TMEM170B: variants seen among roughly 807,000 people sequenced by gnomAD.
TMEM170B encodes transmembrane protein 170B.
In TMEM170B, 6 loss-of-function variants were observed where a neutral mutation model predicts 13.0. The ratio of observed to expected loss-of-function variants is 0.46; its 90% CI spans 0.25 to 0.91. The LOEUF (loss-of-function observed/expected upper bound fraction) is 0.91. Among genes scored for constraint, TMEM170B ranks in the 40% least tolerant of loss-of-function variants. The pLI, the probability that TMEM170B is intolerant of heterozygous loss-of-function variation, is 0.17. For missense variants in TMEM170B, 138 were observed against 165.2 expected, an observed-to-expected ratio of 0.84 and a Z score of 0.90; for synonymous variants, 61 against 64.9, an observed-to-expected ratio of 0.94 and a Z score of 0.29.
intron 1 of TMEM170B, among the ~76,000 whole-genome samples, chr6:11,540,761 C>A (rs1759348955): frequency 1.3e-5 from 2 of 152,160 alleles, no homozygotes; most frequent in Non-Finnish European, 2.9e-5. Flanking sequence ...TCAGAGGAAT[C>A]ACTATCTCTG....
At position 11,566,638 on chromosome 6, in the gene TMEM170B, G is replaced by A. The variant is rs539744300; in HGVS notation, c.268+802G>A. Among the ~76,000 whole-genome samples, 3 of 152,320 alleles carry A rather than the reference G, an allele frequency of 2.0e-5. No individual in the cohort carries two copies. The South Asian group carries it at 6.2e-4, about 32-fold the overall frequency. ...GTGGAATTTAAAAGCTTTAGAGCAG[G>A]AAAGAAAGGAAAGTACACTTGGAAG... On this transcript the variant is annotated intron_variant, in intron 2 of 2. Coordinates refer to ENST00000379426, the MANE Select transcript of TMEM170B (RefSeq NM_001100829.3).
intron 1 of TMEM170B, among the ~76,000 whole-genome samples, chr6:11,546,296 A>G (rs1306353199): frequency 6.6e-6 from 1 of 152,096 alleles, no homozygotes; most frequent in Non-Finnish European, 1.5e-5. Flanking sequence ...AAGAATATAA[A>G]GTATTTTTCA....
chr6:11,575,675 C>T lies in TMEM170B; in HGVS notation c.*114C>T, dbSNP rs1468141854. The T allele has an allele frequency of 7.5e-7, 1 of 1,336,554 alleles. No individual in the cohort carries two copies. Among genetic ancestry groups the T allele is most frequent in the Non-Finnish European group, 1.0e-6 (1 of 957,016 alleles). 82.8% of individuals were successfully genotyped at this position (1,336,554 alleles called of 1,614,324 possible). On this transcript the variant is annotated 3_prime_UTR_variant, in exon 3 of 3. Coordinates refer to ENST00000379426, the MANE Select transcript of TMEM170B (RefSeq NM_001100829.3). This position sits in a 1 kb window ranked among gnomAD's most constrained non-coding sequence, Gnocchi z 4.1. ...GTGCAAGAATGTGGACTGAGCAGGT[C>T]AAAGCATAAGGAAGACCTTGAGCTG...
At chr6:11,538,401 G>C (rs1166823019) in intron 1 of TMEM170B, 27 bp downstream of exon 1, 2 of 1,464,582 alleles carry the variant, frequency 1.4e-6, no homozygotes, top group Non-Finnish European at 1.8e-6. Context: ...GGCTGGGGAC[G>C]GGGATGCGGT....
Position 11,583,306 on chromosome 6 carries a change from C to G in TMEM170B, c.*7745C>G, listed in dbSNP as rs1051108439. The stretch of plus-strand genomic sequence containing the variant: ...TATCATTCAGTGTCTAATCACAGGA[C>G]CATTTCTGAGGTCCACATGTGGCTC... On this transcript the variant is annotated 3_prime_UTR_variant, in exon 3 of 3. Coordinates refer to ENST00000379426, the MANE Select transcript of TMEM170B (RefSeq NM_001100829.3). 6.6e-6 allele frequency: 1 copy of G among 152,166 alleles called. No individual in the cohort carries two copies. Among genetic ancestry groups the G allele is most frequent in the Admixed American group, 6.5e-5 (1 of 15,274 alleles). 9.4% of individuals were successfully genotyped at this position (152,166 alleles called of 1,614,324 possible).
At chr6:11,573,819 T>C (rs1050496082) in intron 2 of TMEM170B, among the ~76,000 whole-genome samples, 2 of 152,186 alleles carry the variant, frequency 1.3e-5, no homozygotes, top group African/African-American at 4.8e-5. Context: ...AGAGTATTAC[T>C]CTAGTTTATT....
chr6:11,552,439 G>A (rs911094760), intron 1 of TMEM170B, among the ~76,000 whole-genome samples: 1 of 152,050 alleles, frequency 6.6e-6, no homozygotes, highest in African/African-American at 2.4e-5. Context: ...CCTGAGTGTC[G>A]TCATCCAAAA....
At chr6:11,573,492 C>T (rs1759831911) in intron 2 of TMEM170B, among the ~76,000 whole-genome samples, 1 of 152,110 alleles carries the variant, frequency 6.6e-6, no homozygotes. Flanking sequence ...ATCTTCGTGC[C>T]CACCTATTTT....
intron 1 of TMEM170B, among the ~76,000 whole-genome samples, chr6:11,555,018 C>T (rs193014278): frequency 3.3e-5 from 5 of 152,270 alleles, no homozygotes; most frequent in Admixed American, 3.3e-4. Flanking sequence ...CATCTGGTAT[C>T]ATAATCCTGT....
rs1759725203 is a variant in TMEM170B at position 11,565,834 on chromosome 6, C to T, written c.266C>T (p.Thr89Ile). 6.2e-7 allele frequency: 1 copy of T among 1,614,046 alleles called. No individual in the cohort carries two copies. Among genetic ancestry groups the T allele is most frequent in the Admixed American group, 1.7e-5 (1 of 60,024 alleles). The change falls in exon 2 of 3, where the codon ACC (threonine) becomes ATC (isoleucine). Residue 89 changes from threonine to isoleucine, a missense_variant and splice_region_variant. By Grantham distance (89) the Thr-to-Ile change is moderately conservative (BLOSUM62 -1). Coordinates refer to ENST00000379426, the MANE Select transcript of TMEM170B (RefSeq NM_001100829.3). Reference protein sequence around the residue: ...FLASVTGAMITSAAVAGIYRV... With the variant: ...FLASVTGAMIISAAVAGIYRV... The stretch of plus-strand genomic sequence containing the variant: ...GCTTCTGTAACTGGAGCGATGATTA[C>T]CAGTAAGTTGATTTTCTTTTGTCTG...
intron 1 of TMEM170B, among the ~76,000 whole-genome samples, chr6:11,545,037 GAGA>G (rs971056272): frequency 1.3e-5 from 2 of 151,778 alleles, no homozygotes; most frequent in African/African-American, 4.8e-5. Context: ...TAAGAGTTTA[GAGA>G]AGAATTTTTA....
At chr6:11,545,280 CTGTGTGTGTGTGTG>C (rs1210551633) in intron 1 of TMEM170B, among the ~76,000 whole-genome samples, 4 of 139,736 alleles carry the variant, frequency 2.9e-5, no homozygotes, top group Non-Finnish European at 4.6e-5. Flanking sequence ...CTCTCTCTCT[CTGTGTGTGTGTGTG>C]TGTGTGTGTG....
intron 2 of TMEM170B, among the ~76,000 whole-genome samples, chr6:11,566,555 T>C (rs1254989230): frequency 6.6e-6 from 1 of 152,140 alleles, no homozygotes; most frequent in Non-Finnish European, 1.5e-5. Flanking sequence ...TCAGAAGAAA[T>C]AATTCGACTG....
chr6:11,562,878 G>A (rs1164415300), intron 1 of TMEM170B, among the ~76,000 whole-genome samples: 2 of 152,086 alleles, frequency 1.3e-5, no homozygotes, highest in Non-Finnish European at 2.9e-5. Flanking sequence ...GATCACTCAT[G>A]TTGCTTTTTA....
intron 2 of TMEM170B, among the ~76,000 whole-genome samples, chr6:11,571,692 C>T (rs1056291104): frequency 6.6e-6 from 1 of 152,120 alleles, no homozygotes; most frequent in Non-Finnish European, 1.5e-5. Context: ...ACTCTTTCAA[C>T]TAGCTGTTGT....
intron 1 of TMEM170B, among the ~76,000 whole-genome samples, chr6:11,539,720 G>A (rs1267588123): frequency 6.6e-6 from 1 of 152,174 alleles, no homozygotes; most frequent in Non-Finnish European, 1.5e-5. Flanking sequence ...ACCATCTCAT[G>A]ATTCAGTTGA....
intron 1 of TMEM170B, among the ~76,000 whole-genome samples, chr6:11,548,715 C>A (rs1388136907): frequency 6.6e-6 from 1 of 152,144 alleles, no homozygotes; most frequent in Non-Finnish European, 1.5e-5. Context: ...AAATGTGGCA[C>A]ATATACACCA....
intron 1 of TMEM170B, among the ~76,000 whole-genome samples, chr6:11,558,434 C>T (rs1034875427): frequency 5.3e-5 from 8 of 152,174 alleles, no homozygotes; most frequent in African/African-American, 9.7e-5. Flanking sequence ...AGTGGTTTCT[C>T]ATTCTTGGCT....
intron 2 of TMEM170B, among the ~76,000 whole-genome samples, chr6:11,573,702 C>G (rs900976482): frequency 3.3e-5 from 5 of 152,134 alleles, no homozygotes; most frequent in African/African-American, 4.8e-5. Flanking sequence ...CGATTTTCCC[C>G]TTGCTGTGGA....
Sources: allele counts gnomAD v4.1 joint callset (sites outside exome capture counted in the v4.1 genomes callset), GRCh38; gene constraint gnomAD v4.1.1; non-coding constraint Gnocchi (gnomAD v3.1); transcripts MANE v1.5; gene names NCBI Gene and HGNC (gene_info 2026-07-23, HGNC 2026-07-21).